Variants in GTF2F2 observed in about 807,000 individuals in gnomAD.
GTF2F2 encodes the protein ATP-dependent helicase GTF2F2.
In GTF2F2, 23 loss-of-function variants were observed where a neutral mutation model predicts 42.2. That is an observed-to-expected ratio of 0.55 (90% CI 0.39 to 0.77). The LOEUF (loss-of-function observed/expected upper bound fraction) is 0.77, where lower values mean the gene tolerates loss of function less well. Ranked by LOEUF, GTF2F2 falls within the 30% of genes least tolerant of loss-of-function variation. The probability of loss-of-function intolerance (pLI) is 0.00; values close to 1 mark genes in which losing one functional copy is unlikely to be tolerated. For missense variants in GTF2F2, 261 were observed against 287.2 expected (o/e 0.91, Z 0.66); for synonymous variants, 105 against 100.8 (o/e 1.04, Z -0.25).
intron 1 of GTF2F2, among the ~76,000 whole-genome samples, chr13:45,125,961 G>GC (rs1868972282): frequency 6.6e-6 from 1 of 152,188 alleles, no homozygotes; most frequent in Admixed American, 6.5e-5. Flanking sequence ...GATATGGTTT[G>GC]CCCCAGTAAG....
rs202043550 is a variant in GTF2F2, at chr13:45,136,701, A to C, written c.67-32A>C. The C allele has an allele frequency of 2.6e-6, 3 of 1,159,192 alleles. No individual in the cohort carries two copies. The East Asian group carries it at 7.0e-5, about 27-fold the overall frequency. 71.8% of individuals were successfully genotyped at this position (1,159,192 alleles called of 1,614,324 possible). On this transcript the variant is annotated intron_variant, in intron 1 of 7. Transcript: ENST00000340473. ...TGTTTGAAAAGATGTTAGCATCTAA[A>C]ATAGACTTATTAGTGTTTTACTTTG...
At chr13:45,174,863 G>T (rs1871795750) in intron 4 of GTF2F2, among the ~76,000 whole-genome samples, 1 of 152,000 alleles carries the variant, frequency 6.6e-6, no homozygotes, top group Middle Eastern at 3.2e-3. Context: ...TTATGGTACA[G>T]TATGATTTTG....
intron 7 of GTF2F2, among the ~76,000 whole-genome samples, chr13:45,276,405 G>C (rs558437034): frequency 2.6e-5 from 4 of 151,018 alleles, no homozygotes; most frequent in Non-Finnish European, 5.9e-5. Context: ...CGGTCACATG[G>C]TAACTTTGTT....
intron 5 of GTF2F2, among the ~76,000 whole-genome samples, chr13:45,222,037 T>C (rs565230266): frequency 8.5e-5 from 13 of 152,246 alleles, no homozygotes; most frequent in African/African-American, 3.1e-4. Context: ...TAGTATAGAC[T>C]TCTCCCCACC....
rs78440601 is a variant in GTF2F2, at chr13:45,275,814, A to G, written c.631-7628A>G. 5.0e-3 allele frequency among the ~76,000 whole-genome samples: 754 copies of G among 152,268 alleles called. 4 individuals are homozygous for G. Among genetic ancestry groups the G allele is most frequent in the Non-Finnish European group, 9.0e-3 (613 of 68,016 alleles). On this transcript the variant is annotated intron_variant, in intron 7 of 7. Transcript: ENST00000340473. ...ATGATTTATAATCCTTTGGGTATATACCCAGTAATGGGATCACTGGGTCAA... is the reference window on the plus strand; with the variant it reads ...ATGATTTATAATCCTTTGGGTATATGCCCAGTAATGGGATCACTGGGTCAA...
At chr13:45,234,096 C>T (rs975317074) in intron 5 of GTF2F2, among the ~76,000 whole-genome samples, 1 of 152,146 alleles carries the variant, frequency 6.6e-6, no homozygotes, top group African/African-American at 2.4e-5. Flanking sequence ...AAAAATAAAA[C>T]AGATTTTGTC....
chr13:45,208,717 A>G (rs148658239), intron 5 of GTF2F2, among the ~76,000 whole-genome samples: 77 of 152,308 alleles, frequency 5.1e-4, no homozygotes, highest in East Asian at 4.0e-3. Context: ...TCTTTTGTCA[A>G]TTAGATTAGA....
At chr13:45,156,619 A>G (rs1419393851) in intron 4 of GTF2F2, among the ~76,000 whole-genome samples, 4 of 152,158 alleles carry the variant, frequency 2.6e-5, no homozygotes, top group Non-Finnish European at 1.5e-5. Flanking sequence ...GCCATCAGGT[A>G]AGTCGACCAG....
At chr13:45,189,558 G>A (rs1165014931) in intron 4 of GTF2F2, among the ~76,000 whole-genome samples, 1 of 152,212 alleles carries the variant, frequency 6.6e-6, no homozygotes, top group East Asian at 1.9e-4. Flanking sequence ...ATCCTCTCCA[G>A]CATCTGTTGC....
chr13:45,217,679 T>C (rs1169444514), intron 5 of GTF2F2, among the ~76,000 whole-genome samples: 3 of 152,244 alleles, frequency 2.0e-5, no homozygotes, highest in Non-Finnish European at 4.4e-5. Context: ...AGAAGCAGTA[T>C]TGGCATGTGA....
At chr13:45,196,903 C>T (rs1176364186) in intron 4 of GTF2F2, among the ~76,000 whole-genome samples, 1 of 152,122 alleles carries the variant, frequency 6.6e-6, no homozygotes, top group Non-Finnish European at 1.5e-5. Flanking sequence ...CCACCTTACA[C>T]TTCCTAGCTC....
intron 5 of GTF2F2, among the ~76,000 whole-genome samples, chr13:45,234,002 C>T (rs1874821244): frequency 2.0e-5 from 3 of 152,178 alleles, no homozygotes; most frequent in Admixed American, 2.0e-4. Flanking sequence ...TCAACCTCAT[C>T]GTCTCCCACT....
At chr13:45,163,487 G>T (rs1871130538) in intron 4 of GTF2F2, among the ~76,000 whole-genome samples, 1 of 151,916 alleles carries the variant, frequency 6.6e-6, no homozygotes, top group Admixed American at 6.6e-5. Flanking sequence ...AGTGAGCCGA[G>T]ATAGCGCCAC....
intron 5 of GTF2F2, among the ~76,000 whole-genome samples, chr13:45,248,287 A>G (rs1875730432): frequency 6.6e-6 from 1 of 152,196 alleles, no homozygotes; most frequent in South Asian, 2.1e-4. Context: ...ATTATTTTAT[A>G]GATGTACTGT....
At chr13:45,250,450 A>G (rs1875832401) in intron 5 of GTF2F2, among the ~76,000 whole-genome samples, 1 of 152,126 alleles carries the variant, frequency 6.6e-6, no homozygotes, top group Non-Finnish European at 1.5e-5. Context: ...CAGTTGTCCT[A>G]CCATCCCTCC....
chr13:45,211,748 C>T (rs913910478), intron 5 of GTF2F2, among the ~76,000 whole-genome samples: 4 of 151,806 alleles, frequency 2.6e-5, no homozygotes, highest in African/African-American at 4.8e-5. Flanking sequence ...CCACCATTCC[C>T]GGCCAATTTT....
At chr13:45,228,328 A>T (rs1010962781) in intron 5 of GTF2F2, among the ~76,000 whole-genome samples, 1 of 123,352 alleles carries the variant, frequency 8.1e-6, no homozygotes, top group African/African-American at 3.5e-5. Flanking sequence ...TTGTTGCCAG[A>T]AAACAAGGTG....
chr13:45,205,573 G>T (rs1873379558), intron 4 of GTF2F2, among the ~76,000 whole-genome samples: 1 of 152,222 alleles, frequency 6.6e-6, no homozygotes, highest in Admixed American at 6.5e-5. Context: ...AGGCTGGAGT[G>T]CAGTGGCACT....
chr13:45,220,764 T>C (rs1462545490), intron 5 of GTF2F2: 1 of 152,138 alleles, frequency 6.6e-6, no homozygotes, highest in Non-Finnish European at 1.5e-5. Context: ...GAGTCACTGA[T>C]CGAGTGTATT....
Sources: gnomAD v4.1 joint callset for allele counts (sites outside exome capture counted in the v4.1 genomes callset) on GRCh38, gnomAD v4.1.1 for gene constraint, MANE v1.5 for transcripts, NCBI Gene and HGNC (gene_info 2026-07-23, HGNC 2026-07-21) for gene names.